The following TG variants were observed in gnomAD, a reference collection of about 807,000 sequenced individuals.
TG encodes the protein thyroglobulin, also known as thyroid hormones.
In TG, 270 loss-of-function variants were observed where a neutral mutation model predicts 324.7. That is an observed-to-expected ratio of 0.83 (90% CI 0.75 to 0.92). The LOEUF (loss-of-function observed/expected upper bound fraction) is 0.92, where lower values mean the gene tolerates loss of function less well. Ranked by LOEUF, TG falls within the 40% of genes least tolerant of loss-of-function variation. TG has a pLI of 0.00. For missense variants in TG, 3,591 were observed against 3,456.4 expected, an observed-to-expected ratio of 1.04 and a Z score of -0.98; for synonymous variants, 1,401 against 1,327.0, an observed-to-expected ratio of 1.06 and a Z score of -1.21.
In TG at chr8:132,893,695, G is replaced by C. The variant is rs556522511; in HGVS notation, c.2767G>C (p.Gly923Arg). ...TGTTATTTTTATTCCCCTAGGTCCT[G>C]GCTCCTGTGAGGAAGCAAAGCTCCG... is the stretch of plus-strand genomic sequence containing the variant. ...SEPSKLPTCP[G>R]SCEEAKLRVL... Residue 923 changes from glycine to arginine, a missense_variant, in exon 11 of 48, where the codon GGC (glycine) becomes CGC (arginine). Physicochemically the swap from Gly to Arg is moderately radical, Grantham distance 125. Coordinates refer to ENST00000220616, the MANE Select transcript of TG (RefSeq NM_003235.5). 34 of 1,613,840 alleles carry C rather than the reference G, an allele frequency of 2.1e-5. No homozygotes were observed. In the Middle Eastern group the frequency reaches 1.3e-3, roughly 63 times the overall value.
At chr8:132,980,312 A>T (rs896739794) in intron 34 of TG, among the ~76,000 whole-genome samples, 5 of 152,006 alleles carry the variant, frequency 3.3e-5, no homozygotes, top group African/African-American at 1.2e-4. Context: ...GAGTGCATTG[A>T]CCAATGGCCC....
chr8:133,020,789 T>C (rs1016963653), intron 39 of TG, among the ~76,000 whole-genome samples: 20 of 152,220 alleles, frequency 1.3e-4, no homozygotes, highest in African/African-American at 4.8e-4. Flanking sequence ...CCATAGCTTC[T>C]ACCACCTTGG....
At chr8:132,963,829 A>T (rs117787165) in intron 29 of TG, among the ~76,000 whole-genome samples, 1 of 152,022 alleles carries the variant, frequency 6.6e-6, no homozygotes, top group African/African-American at 2.4e-5. Flanking sequence ...GGTACAGGGG[A>T]AAAAAACGTC....
At chr8:132,874,814 G>C (rs902279400) in intron 5 of TG, among the ~76,000 whole-genome samples, 1 of 152,140 alleles carries the variant, frequency 6.6e-6, no homozygotes, top group South Asian at 2.1e-4. Context: ...AAGAACAAGG[G>C]TGAGAGGCTG....
At chr8:133,089,844 A>T (rs1847217016) in intron 41 of TG, 1 of 152,008 alleles carries the variant, frequency 6.6e-6, no homozygotes, top group African/African-American at 2.4e-5. Flanking sequence ...ATGGTCACCC[A>T]CCCTGTTCCT....
At chr8:133,002,154 A>G in intron 35 of TG, 5 of 985,434 alleles carry the variant, frequency 5.1e-6, no homozygotes, top group Non-Finnish European at 6.0e-6. Context: ...TGATACAAAA[A>G]TGCTTGGAGG....
At chr8:132,933,036 G>T (rs2129653234) in intron 23 of TG, among the ~76,000 whole-genome samples, 1 of 152,314 alleles carries the variant, frequency 6.6e-6, no homozygotes, top group Non-Finnish European at 1.5e-5. Context: ...GTAAGTGCCT[G>T]AACGGAGCTG....
chr8:132,999,976 G>A lies in TG; in HGVS notation c.6263-11925G>A, dbSNP rs147746014. On this transcript the variant is annotated intron_variant, in intron 35 of 47. Coordinates refer to ENST00000220616, the MANE Select transcript of TG (RefSeq NM_003235.5). ...ACAGCATTTCTTTCCAGGAAGATGA[G>A]GGGGTAGCAACTGTAACATCACTAC... is the stretch of plus-strand genomic sequence containing the variant. Among the ~76,000 whole-genome samples the A allele has an allele frequency of 2.4e-4, 37 of 152,298 alleles. 1 individual carries two copies. The highest frequency in any genetic ancestry group is 8.7e-4 in the African/African-American group (36 of 41,566).
chr8:132,967,385 C>T (rs1468295957), intron 30 of TG, among the ~76,000 whole-genome samples: 1 of 152,152 alleles, frequency 6.6e-6, no homozygotes, highest in Admixed American at 6.5e-5. Flanking sequence ...CTCATATATA[C>T]CAGGGGCACA....
intron 45 of TG, among the ~76,000 whole-genome samples, chr8:133,130,766 G>T (rs1197675225): frequency 6.6e-6 from 1 of 152,218 alleles, no homozygotes; most frequent in Non-Finnish European, 1.5e-5. Flanking sequence ...TTAAGCCACT[G>T]AGTTTGTGGT....
intron 26 of TG, among the ~76,000 whole-genome samples, chr8:132,945,896 GC>G (rs1384515509): frequency 6.6e-6 from 1 of 152,154 alleles, no homozygotes; most frequent in East Asian, 1.9e-4. Flanking sequence ...GGTTGAGGTG[GC>G]TAAAATGAGA....
chr8:133,071,534 C>A (rs1270146971), intron 41 of TG, among the ~76,000 whole-genome samples: 1 of 152,102 alleles, frequency 6.6e-6, no homozygotes, highest in Non-Finnish European at 1.5e-5. Context: ...GTGGATAGAG[C>A]GGTGCAATGA....
chr8:132,957,875 G>C (rs1012710531), intron 27 of TG, among the ~76,000 whole-genome samples: 6 of 151,852 alleles, frequency 4.0e-5, no homozygotes, highest in African/African-American at 1.5e-4. Context: ...GTGAGATTTT[G>C]GTGCACCCAT....
In TG at chr8:132,972,555, G is replaced by A. The variant is rs771573746; in HGVS notation, c.6056-43G>A. On this transcript the variant is annotated intron_variant, in intron 33 of 47. Transcript: ENST00000220616. Reference sequence around the variant, plus strand: ...TTATTAGACTCTTCCATTGTACTCAGTTTCCTGATTGTGGTTTTTTGTTTT... The same window carrying A: ...TTATTAGACTCTTCCATTGTACTCAATTTCCTGATTGTGGTTTTTTGTTTT... 11 of 1,594,456 alleles carry A rather than the reference G, an allele frequency of 6.9e-6. No individual in the cohort carries two copies. The Middle Eastern group carries it at 6.9e-4, about 101-fold the overall frequency.
chr8:132,903,130 G>A (rs76975924), intron 16 of TG, among the ~76,000 whole-genome samples: 3,242 of 152,286 alleles, frequency 0.021, 128 homozygotes, highest in African/African-American at 0.075. Flanking sequence ...GAAGGCTCCA[G>A]AAGGTCATTT....
At chr8:132,908,986 C>T (rs957170423) in intron 18 of TG, among the ~76,000 whole-genome samples, 3 of 152,096 alleles carry the variant, frequency 2.0e-5, no homozygotes, top group African/African-American at 4.8e-5. Context: ...TTGAGGGAAC[C>T]GGTATGAGTG....
At chr8:133,107,705 C>G (rs1432407768) in intron 43 of TG, among the ~76,000 whole-genome samples, 3 of 152,200 alleles carry the variant, frequency 2.0e-5, no homozygotes, top group African/African-American at 7.2e-5. Flanking sequence ...AAAATATTGA[C>G]CAGTCATCAA....
chr8:133,039,910 A>G, intron 41 of TG: 1 of 1,500,120 alleles, frequency 6.7e-7, no homozygotes, highest in Non-Finnish European at 8.9e-7. Context: ...TGTGCTCGGC[A>G]CACACACCGT....
At chr8:133,079,346 C>T (rs1422149692) in intron 41 of TG, among the ~76,000 whole-genome samples, 1 of 152,222 alleles carries the variant, frequency 6.6e-6, no homozygotes, top group Non-Finnish European at 1.5e-5. Context: ...GCCAGCCATG[C>T]AAGGATTGAG....
Sources: allele counts gnomAD v4.1 joint callset (sites outside exome capture counted in the v4.1 genomes callset), GRCh38; gene constraint gnomAD v4.1.1; transcripts MANE v1.5; gene names NCBI Gene and HGNC (gene_info 2026-07-23, HGNC 2026-07-21).